Variants in OVCH1 observed in about 807,000 individuals in gnomAD.
The protein encoded by OVCH1 is ovochymase 1.
Under a neutral mutation model 138.4 loss-of-function variants are expected in OVCH1, and 139 were observed. The ratio of observed to expected loss-of-function variants is 1.00; its 90% CI spans 0.87 to 1.16. The LOEUF (loss-of-function observed/expected upper bound fraction) is 1.16. OVCH1 is among the 50% of genes most tolerant of loss of function. OVCH1 has a pLI of 0.00. For missense variants in OVCH1, 1,367 were observed against 1,357.9 expected (o/e 1.01, Z -0.11); for synonymous variants, 453 against 467.8 (o/e 0.97, Z 0.41).
At chr12:29,430,771 A>C (rs541508590) in intron 27 of OVCH1, 1 of 334,884 alleles carries the variant, frequency 3.0e-6, no homozygotes, top group African/African-American at 2.2e-5. Context: ...CTTTCCTTCT[A>C]TTCCTGCCTG....
intron 9 of OVCH1, 110 bp from the exon 11 acceptor site, chr12:29,477,588 C>G: frequency 6.2e-7 from 1 of 1,613,338 alleles, no homozygotes; most frequent in Non-Finnish European, 8.5e-7. Flanking sequence ...TCTAAACACA[C>G]TAAACTATTT....
exon 11 of OVCH1, chr12:29,477,343 G>T: frequency 6.2e-7 from 1 of 1,613,928 alleles, no homozygotes; most frequent in Non-Finnish European, 8.5e-7. Flanking sequence ...ACACTCACCT[G>T]CTTCTGACTT....
rs970256780 is a variant in OVCH1 at position 29,477,088 on chromosome 12, C to T, written c.1377+14G>A. ...CTATTCTTTATGAGGTAGAGCGATT[C>T]CTCAGTTGCCTACCTTTATAATGTG... is the stretch of plus-strand genomic sequence containing the variant. On this transcript the variant is annotated intron_variant, in intron 12 of 27. Transcript: ENST00000318184. The T allele has an allele frequency of 6.3e-7, 1 of 1,586,506 alleles. No individual in the cohort carries two copies. Among genetic ancestry groups the T allele is most frequent in the African/African-American group, 1.3e-5 (1 of 74,410 alleles).
intron 22 of OVCH1, among the ~76,000 whole-genome samples, chr12:29,448,050 A>C (rs923104868): frequency 9.3e-5 from 14 of 150,864 alleles, no homozygotes; most frequent in African/African-American, 3.4e-4. Flanking sequence ...ACTTTTTGGC[A>C]CCTGGCTTCG....
At chr12:29,433,933 T>G in intron 26 of OVCH1, 1 of 870,846 alleles carries the variant, frequency 1.1e-6, no homozygotes, top group South Asian at 2.2e-5. Context: ...TGCTGGCTGA[T>G]TAAAAAAAAA....
chr12:29,479,884 C>T (rs939524183), intron 8 of OVCH1, among the ~76,000 whole-genome samples: 24 of 141,476 alleles, frequency 1.7e-4, no homozygotes, highest in South Asian at 6.7e-4. Flanking sequence ...AGTGCAGTGG[C>T]GCAATCTCAG....
At chr12:29,484,433 C>T (rs1943028939) in intron 8 of OVCH1, among the ~76,000 whole-genome samples, 1 of 152,108 alleles carries the variant, frequency 6.6e-6, no homozygotes, top group Non-Finnish European at 1.5e-5. Context: ...TAAATATTCA[C>T]CAATCAAAAA....
At chr12:29,486,215 A>G (rs1943100248) in intron 8 of OVCH1, 35 bp downstream of exon 8, 1 of 1,564,032 alleles carries the variant, frequency 6.4e-7, no homozygotes, top group Admixed American at 1.7e-5. Flanking sequence ...ACTTTCTTCA[A>G]GTCAGCTTCC....
At chr12:29,435,480 C>T (rs1407146743) in intron 26 of OVCH1, among the ~76,000 whole-genome samples, 1 of 152,118 alleles carries the variant, frequency 6.6e-6, no homozygotes, top group Non-Finnish European at 1.5e-5. Flanking sequence ...CATTCTCCTG[C>T]CTCAGCCTCC....
exon 22 of OVCH1, chr12:29,451,352 C>A (rs1275912616): frequency 1.2e-6 from 2 of 1,611,910 alleles, no homozygotes; most frequent in Non-Finnish European, 1.7e-6. Context: ...TACCTGCCGT[C>A]TTTCTCTTAC....
intron 4 of OVCH1, among the ~76,000 whole-genome samples, chr12:29,492,747 C>T (rs994972291): frequency 2.2e-4 from 33 of 151,980 alleles, no homozygotes; most frequent in African/African-American, 7.7e-4. Context: ...GATGAGGTCA[C>T]AAAGAGAATG....
chr12:29,441,274 A>G (rs1941478401), intron 25 of OVCH1, among the ~76,000 whole-genome samples: 1 of 152,194 alleles, frequency 6.6e-6, no homozygotes, highest in African/African-American at 2.4e-5. Flanking sequence ...AAACAGAGAT[A>G]TAGATCAATG....
At chr12:29,475,796 G>A (rs1942687241) in intron 13 of OVCH1, among the ~76,000 whole-genome samples, 1 of 152,146 alleles carries the variant, frequency 6.6e-6, no homozygotes, top group Non-Finnish European at 1.5e-5. Context: ...AAGTATATTT[G>A]AAGTTTTAAA....
At chr12:29,415,715 T>G (rs778662197) in intron 3 of OVCH1, among the ~76,000 whole-genome samples, 4 of 152,150 alleles carry the variant, frequency 2.6e-5, no homozygotes, top group Non-Finnish European at 5.9e-5. Context: ...ATATAGTAAA[T>G]ATGTGAATTC....
intron 7 of OVCH1, among the ~76,000 whole-genome samples, chr12:29,486,686 G>GA (rs1042656428): frequency 1.8e-4 from 27 of 152,154 alleles, no homozygotes; most frequent in Non-Finnish European, 3.2e-4. Context: ...AGATGAACTA[G>GA]AAAAAATAGG....
At chr12:29,428,270 C>T (rs963479527) in intron 27 of OVCH1, among the ~76,000 whole-genome samples, 1 of 152,160 alleles carries the variant, frequency 6.6e-6, no homozygotes. Flanking sequence ...AGATAGCCAT[C>T]GTAAAATTGC....
At position 29,472,084 on chromosome 12, in the gene OVCH1, G is replaced by A. The variant is rs1942532015; in HGVS notation, c.1676-102C>T. 4 of 1,188,848 alleles carry A rather than the reference G, an allele frequency of 3.4e-6. No homozygotes were observed. In the African/African-American group the frequency reaches 6.4e-5, roughly 19 times the overall value. The allele number at this position is 1,188,848 out of a possible 1,614,324, so 73.6% of individuals were successfully genotyped here. A position where few individuals can be genotyped will look rare whatever the true frequency, so the allele number is the denominator to read the frequency against. ...TAACAGTAGTGATTCTCAAACATCA[G>A]ATAGGCTTTATAATAATATTGACTC... On this transcript the variant is annotated intron_variant, in intron 15 of 27. Transcript: ENST00000318184.
chr12:29,408,966 A>C (rs2135863209), downstream of OVCH1, among the ~76,000 whole-genome samples: 1 of 152,234 alleles, frequency 6.6e-6, no homozygotes, highest in Non-Finnish European at 1.5e-5. Context: ...TAAGCTATTG[A>C]TTATTGCCAC....
At chr12:29,481,382 C>G (rs10843430) in intron 8 of OVCH1, among the ~76,000 whole-genome samples, 56,343 of 151,802 alleles carry the variant, frequency 0.37, 10,851 homozygotes, top group Middle Eastern at 0.49. Context: ...GATGCTAATA[C>G]TCATTGGGTT....
Sources: gnomAD v4.1 joint callset for allele counts (sites outside exome capture counted in the v4.1 genomes callset) on GRCh38, gnomAD v4.1.1 for gene constraint, MANE v1.5 for transcripts, NCBI Gene and HGNC (gene_info 2026-07-23, HGNC 2026-07-21) for gene names.